ROBO1: variants seen among roughly 807,000 people sequenced by gnomAD.
The protein encoded by ROBO1 is roundabout homolog 1.
Under a neutral mutation model 195.9 loss-of-function variants are expected in ROBO1, and 149 were observed. That is an observed-to-expected ratio of 0.76 (90% confidence interval 0.67 to 0.87). The LOEUF is 0.87. Ranked by LOEUF, ROBO1 falls within the 40% of genes least tolerant of loss-of-function variation. The pLI is 0.00. For synonymous variants in ROBO1, 816 were observed against 733.2 expected, an observed-to-expected ratio of 1.11 and a Z score of -1.82; for missense variants, 1,933 against 2,068.3, an observed-to-expected ratio of 0.93 and a Z score of 1.27.
At chr3:79,569,235 G>A (rs915046682) in intron 2 of ROBO1, among the ~76,000 whole-genome samples, 2 of 152,082 alleles carry the variant, frequency 1.3e-5, no homozygotes, top group African/African-American at 4.8e-5. Flanking sequence ...TTAAACTAAC[G>A]CTGTCAAAGG....
rs1302415097 is a variant in ROBO1, at chr3:78,646,135, G to A, written c.2882+13C>T. The A allele has an allele frequency of 6.2e-7, 1 of 1,601,362 alleles. No homozygotes were observed. Among genetic ancestry groups the A allele is most frequent in the Non-Finnish European group, 8.5e-7 (1 of 1,171,024 alleles). On this transcript the variant is annotated intron_variant, in intron 21 of 30. Transcript: ENST00000464233. ...ATTCCCTGTAGGATCTACAAAACAA[G>A]CAAGATAATTACCTCCCTCCACTGC...
rs1307866488 is a variant in ROBO1 at position 79,662,491 on chromosome 3, G to A, written c.-50-72530C>T. On this transcript the variant is annotated intron_variant, in intron 1 of 30. Transcript: ENST00000464233. ...CAAATCTCAAAAGGACAGGGAAGGG[G>A]AAACTTTAGTTGTAGTTTAATTAGT... Among the ~76,000 whole-genome samples the A allele has an allele frequency of 2.6e-5, 4 of 152,046 alleles. No homozygotes were observed. In the East Asian group the frequency reaches 7.8e-4, roughly 30 times the overall value.
chr3:79,424,852 A>G (rs1022412868), intron 2 of ROBO1, among the ~76,000 whole-genome samples: 2 of 152,176 alleles, frequency 1.3e-5, no homozygotes, highest in Admixed American at 6.6e-5. Flanking sequence ...AATCAAAAAT[A>G]TAAACAGAAT....
intron 2 of ROBO1, among the ~76,000 whole-genome samples, chr3:79,148,148 A>G (rs906504982): frequency 6.6e-6 from 1 of 151,854 alleles, no homozygotes; most frequent in Non-Finnish European, 1.5e-5. Flanking sequence ...TTTGAGAGTC[A>G]TATGGGGCAT....
intron 2 of ROBO1, among the ~76,000 whole-genome samples, chr3:79,578,094 C>T (rs556370492): frequency 6.6e-5 from 10 of 151,992 alleles, no homozygotes; most frequent in South Asian, 2.1e-4. Flanking sequence ...ATTTAAATCA[C>T]GAGATACTAC....
chr3:79,019,439 T>C, intron 3 of ROBO1: 1 of 986,252 alleles, frequency 1.0e-6, no homozygotes, highest in Non-Finnish European at 1.2e-6. Context: ...GCTCTCACGC[T>C]GCCTCCTCTC....
intron 19 of ROBO1, among the ~76,000 whole-genome samples, chr3:78,649,140 AT>A (rs1338892377): frequency 4.6e-5 from 7 of 151,244 alleles, no homozygotes; most frequent in African/African-American, 9.8e-5. Flanking sequence ...AAAAAAAAAA[AT>A]GAAAGGTGCA....
At chr3:78,868,422 CTACT>C (rs2035316139) in intron 4 of ROBO1, among the ~76,000 whole-genome samples, 2 of 151,982 alleles carry the variant, frequency 1.3e-5, no homozygotes, top group African/African-American at 4.8e-5. Context: ...ACCCAATACC[CTACT>C]TAAATAATAA....
At chr3:79,590,501 G>A (rs2107820676) in intron 1 of ROBO1, among the ~76,000 whole-genome samples, 1 of 151,860 alleles carries the variant, frequency 6.6e-6, no homozygotes, top group African/African-American at 2.4e-5. Flanking sequence ...GAATATGGCA[G>A]AGAAACATAA....
intron 3 of ROBO1, among the ~76,000 whole-genome samples, chr3:78,960,798 AC>A (rs2041300854): frequency 6.8e-6 from 1 of 146,544 alleles, no homozygotes. Flanking sequence ...ACACACACAC[AC>A]ACACACACAC....
intron 2 of ROBO1, among the ~76,000 whole-genome samples, chr3:79,351,786 C>G (rs1353125239): frequency 6.6e-6 from 1 of 151,818 alleles, no homozygotes; most frequent in Admixed American, 6.6e-5. Flanking sequence ...TTTCTTGTTT[C>G]TTTCTTTCTT....
intron 4 of ROBO1, among the ~76,000 whole-genome samples, chr3:78,813,871 G>A (rs771081605): frequency 2.1e-3 from 320 of 152,132 alleles, no homozygotes; most frequent in Admixed American, 4.1e-3. Flanking sequence ...CTTAGAGGTA[G>A]CCTTAACAAC....
intron 3 of ROBO1, among the ~76,000 whole-genome samples, chr3:78,968,848 A>C (rs1051579148): frequency 4.6e-5 from 7 of 152,222 alleles, no homozygotes; most frequent in Non-Finnish European, 8.8e-5. Context: ...GTAAGGTTAA[A>C]AGATGAATTT....
chr3:78,845,185 G>A (rs1243986508), intron 4 of ROBO1, among the ~76,000 whole-genome samples: 2 of 151,764 alleles, frequency 1.3e-5, no homozygotes, highest in African/African-American at 2.4e-5. Context: ...AGTATAAAAT[G>A]TGCACAGGTT....
At chr3:79,234,340 A>G (rs1451582351) in intron 2 of ROBO1, among the ~76,000 whole-genome samples, 3 of 152,132 alleles carry the variant, frequency 2.0e-5, no homozygotes, top group Non-Finnish European at 4.4e-5. Context: ...TAAATCGTTA[A>G]GCCATCTTGA....
intron 2 of ROBO1, among the ~76,000 whole-genome samples, chr3:79,443,519 A>C (rs1040584259): frequency 1.1e-4 from 16 of 152,144 alleles, no homozygotes; most frequent in Non-Finnish European, 1.9e-4. Flanking sequence ...CTTCTTGAAA[A>C]TTTTGCTTTA....
intron 2 of ROBO1, among the ~76,000 whole-genome samples, chr3:79,467,612 A>G (rs1938035384): frequency 6.6e-6 from 1 of 151,712 alleles, no homozygotes; most frequent in Non-Finnish European, 1.5e-5. Context: ...CCCACTCCAT[A>G]CCCTTTTGGG....
intron 5 of ROBO1, among the ~76,000 whole-genome samples, chr3:78,735,768 G>A (rs2082378876): frequency 6.6e-6 from 1 of 152,080 alleles, no homozygotes; most frequent in East Asian, 1.9e-4. Flanking sequence ...TTGTTGTTGA[G>A]TTTTTTGTTA....
At chr3:79,418,931 A>G (rs546796526) in intron 2 of ROBO1, among the ~76,000 whole-genome samples, 115 of 152,262 alleles carry the variant, frequency 7.6e-4, no homozygotes, top group Non-Finnish European at 1.0e-3. Context: ...TGGAACTCAA[A>G]GTCCCCATTT....
Sources: gnomAD v4.1 joint callset for allele counts (sites outside exome capture counted in the v4.1 genomes callset) on GRCh38, gnomAD v4.1.1 for gene constraint, MANE v1.5 for transcripts, NCBI Gene and HGNC (gene_info 2026-07-23, HGNC 2026-07-21) for gene names.